The following SND1 variants were observed in gnomAD, a reference collection of about 807,000 sequenced individuals.
SND1 encodes staphylococcal nuclease and tudor domain containing 1.
In SND1, 38 loss-of-function variants were observed where a neutral mutation model predicts 121.7. The ratio of observed to expected loss-of-function variants is 0.31; its 90% CI spans 0.24 to 0.41. The LOEUF is 0.41. Ranked by LOEUF, SND1 falls within the 10% of genes least tolerant of loss-of-function variation. The probability of loss-of-function intolerance (pLI) is 1.00; values close to 1 mark genes in which losing one functional copy is unlikely to be tolerated. For missense variants in SND1, 868 were observed against 1,184.6 expected (o/e 0.73, Z 3.92); for synonymous variants, 401 against 447.4 (o/e 0.90, Z 1.31).
intron 5 of SND1, among the ~76,000 whole-genome samples, chr7:127,701,890 A>T (rs766031437): frequency 6.6e-6 from 1 of 152,164 alleles, no homozygotes; most frequent in Non-Finnish European, 1.5e-5. Flanking sequence ...GACTCAACAT[A>T]ATACTTGGTG....
intron 14 of SND1, among the ~76,000 whole-genome samples, chr7:127,907,864 G>A (rs1375990560): frequency 6.6e-6 from 1 of 152,112 alleles, no homozygotes; most frequent in Admixed American, 6.6e-5. Context: ...CAGAGTAAAG[G>A]TCAGAGTGCG....
intron 1 of SND1, among the ~76,000 whole-genome samples, chr7:127,656,425 C>G (rs576019600): frequency 1.3e-5 from 2 of 151,130 alleles, no homozygotes; most frequent in East Asian, 3.9e-4. Context: ...TGGGTTCAAG[C>G]GATTCTCCTG....
chr7:127,821,733 G>A (rs1798553514), intron 11 of SND1, among the ~76,000 whole-genome samples: 1 of 151,784 alleles, frequency 6.6e-6, no homozygotes, highest in African/African-American at 2.4e-5. Flanking sequence ...AAAAATAGCT[G>A]CGTAGAAAGC....
chr7:128,065,755 G>T (rs1023267762), intron 16 of SND1, among the ~76,000 whole-genome samples: 1 of 152,196 alleles, frequency 6.6e-6, no homozygotes, highest in Non-Finnish European at 1.5e-5. Context: ...GATAAAGAAC[G>T]GACGCACCGA....
chr7:127,923,800 C>G (rs1800768744), intron 14 of SND1, among the ~76,000 whole-genome samples: 1 of 152,130 alleles, frequency 6.6e-6, no homozygotes, highest in Non-Finnish European at 1.5e-5. Context: ...TGAATGATCA[C>G]CATACACCAT....
chr7:127,956,889 C>G (rs1486312899), intron 15 of SND1, among the ~76,000 whole-genome samples: 1 of 152,186 alleles, frequency 6.6e-6, no homozygotes, highest in Non-Finnish European at 1.5e-5. Flanking sequence ...TCTTTTCCCC[C>G]TCTTCAGAAT....
chr7:127,831,459 C>G (rs979340589), intron 11 of SND1, among the ~76,000 whole-genome samples: 1 of 152,158 alleles, frequency 6.6e-6, no homozygotes, highest in Non-Finnish European at 1.5e-5. Context: ...ATATGGCAGG[C>G]AGGTGGTGGT....
Position 127,748,317 on chromosome 7 carries a change from G to A in SND1, c.1152+26917G>A, listed in dbSNP as rs115272312. Reference sequence around the variant, plus strand: ...TGGGTCTTTCACTTTTTCCTAGGATGCTTGTGTACAAGGTACTGTCCTTTC... The same window carrying A: ...TGGGTCTTTCACTTTTTCCTAGGATACTTGTGTACAAGGTACTGTCCTTTC... On this transcript the variant is annotated intron_variant, in intron 10 of 23. Coordinates refer to ENST00000354725, the MANE Select transcript of SND1 (RefSeq NM_014390.4). Among the ~76,000 whole-genome samples the A allele has an allele frequency of 5.8e-3, 884 of 152,266 alleles. 15 individuals are homozygous for A. The highest frequency in any genetic ancestry group is 0.02 in the African/African-American group (842 of 41,522).
intron 10 of SND1, among the ~76,000 whole-genome samples, chr7:127,788,890 A>G (rs955813798): frequency 1.3e-5 from 2 of 152,132 alleles, no homozygotes; most frequent in Admixed American, 6.5e-5. Flanking sequence ...GTATCATCTC[A>G]TGAAGCATAT....
intron 12 of SND1, chr7:127,858,115 TC>T: frequency 1.1e-6 from 1 of 884,696 alleles, no homozygotes; most frequent in South Asian, 1.3e-5. Flanking sequence ...TGCCACTTCC[TC>T]AGCGAACATG....
At chr7:127,971,675 A>G (rs1177035728) in intron 15 of SND1, among the ~76,000 whole-genome samples, 1 of 152,184 alleles carries the variant, frequency 6.6e-6, no homozygotes, top group East Asian at 1.9e-4. Flanking sequence ...ATCAGAAGCA[A>G]TGAAAGATAG....
At chr7:127,803,614 A>G (rs1446800495) in intron 10 of SND1, among the ~76,000 whole-genome samples, 1 of 152,144 alleles carries the variant, frequency 6.6e-6, no homozygotes, top group Non-Finnish European at 1.5e-5. Context: ...TAATAATCCT[A>G]CAGTATCCCA....
chr7:128,056,545 C>A (rs1562884659), intron 16 of SND1, among the ~76,000 whole-genome samples: 1 of 152,186 alleles, frequency 6.6e-6, no homozygotes, highest in African/African-American at 2.4e-5. Flanking sequence ...ATGCACTGAC[C>A]TTCTACTGTG....
intron 10 of SND1, among the ~76,000 whole-genome samples, chr7:127,769,182 A>G (rs555391384): frequency 1.3e-5 from 2 of 152,250 alleles, no homozygotes; most frequent in East Asian, 3.9e-4. Flanking sequence ...CTGCTGGCGT[A>G]GAATTAAGAG....
At chr7:127,885,369 G>A (rs973665659) in intron 12 of SND1, among the ~76,000 whole-genome samples, 1 of 152,066 alleles carries the variant, frequency 6.6e-6, no homozygotes, top group African/African-American at 2.4e-5. Context: ...TCTTGTTACC[G>A]CTAAGCACCA....
chr7:127,653,644 A>G (rs1795161059), intron 1 of SND1, among the ~76,000 whole-genome samples: 1 of 152,214 alleles, frequency 6.6e-6, no homozygotes, highest in Non-Finnish European at 1.5e-5. Flanking sequence ...CCCAGTTTAA[A>G]AAAAATTCTA....
At chr7:127,707,812 T>TGTGTGTGTG (rs1796228268) in intron 9 of SND1, among the ~76,000 whole-genome samples, 165 bp downstream of exon 9, 3 of 142,538 alleles carry the variant, frequency 2.1e-5, no homozygotes, top group Non-Finnish European at 3.1e-5. Context: ...TGTGTGTGTG[T>TGTGTGTGTG]TTATTGTAGG....
At chr7:127,789,000 G>C (rs1485134042) in intron 10 of SND1, among the ~76,000 whole-genome samples, 1 of 152,180 alleles carries the variant, frequency 6.6e-6, no homozygotes, top group Non-Finnish European at 1.5e-5. Flanking sequence ...ATGTTAAGCT[G>C]TGCCTTCTAA....
At chr7:128,070,652 T>G (rs968273926) in intron 16 of SND1, among the ~76,000 whole-genome samples, 2 of 152,150 alleles carry the variant, frequency 1.3e-5, no homozygotes, top group African/African-American at 4.8e-5. Flanking sequence ...AAGAAATTTC[T>G]TGTCTATTTA....
Sources: allele counts gnomAD v4.1 joint callset (sites outside exome capture counted in the v4.1 genomes callset), GRCh38; gene constraint gnomAD v4.1.1; transcripts MANE v1.5; gene names NCBI Gene and HGNC (gene_info 2026-07-23, HGNC 2026-07-21).